Variants in DNAH3 observed in about 807,000 individuals in gnomAD.
DNAH3 encodes axonemal beta dynein heavy chain 3.
DNAH3 carries 332 observed loss-of-function variants against 432.5 expected under a neutral mutation model. That is an observed-to-expected ratio of 0.77 (90% CI 0.70 to 0.84). DNAH3 has a LOEUF of 0.84. Ranked by LOEUF, DNAH3 falls within the 40% of genes least tolerant of loss-of-function variation. DNAH3 has a pLI of 0.00. For synonymous variants in DNAH3, 1,956 were observed against 1,900.2 expected (o/e 1.03, Z -0.76); for missense variants, 4,861 against 5,114.0 (o/e 0.95, Z 1.51).
At chr16:21,108,918 T>C (rs1399581317) in intron 14 of DNAH3, among the ~76,000 whole-genome samples, 1 of 152,006 alleles carries the variant, frequency 6.6e-6, no homozygotes, top group Non-Finnish European at 1.5e-5. Context: ...GATCAGGAGT[T>C]TGAGACTAGG....
intron 57 of DNAH3, 131 bp from the exon 58 acceptor site, chr16:20,944,794 C>T (rs1467354147): frequency 2.4e-6 from 2 of 832,332 alleles, no homozygotes; most frequent in Non-Finnish European, 1.9e-6. Context: ...CACACACACA[C>T]ACACACACGC....
At chr16:20,976,534 G>A (rs1377829995) in intron 50 of DNAH3, among the ~76,000 whole-genome samples, 1 of 152,190 alleles carries the variant, frequency 6.6e-6, no homozygotes, top group African/African-American at 2.4e-5. Flanking sequence ...TAAAGGCTAT[G>A]AAGAAAAAAG....
intron 6 of DNAH3, among the ~76,000 whole-genome samples, chr16:21,134,886 C>T (rs2152823841): frequency 6.6e-6 from 1 of 152,170 alleles, no homozygotes; most frequent in Middle Eastern, 3.4e-3. Context: ...CAGGGTTTTG[C>T]CATGTTGGCC....
At chr16:21,063,338 C>A (rs971711525) in intron 24 of DNAH3, among the ~76,000 whole-genome samples, 2 of 152,024 alleles carry the variant, frequency 1.3e-5, no homozygotes, top group African/African-American at 4.8e-5. Context: ...TGGGTAGGGG[C>A]AGGAGAGAGA....
At chr16:21,067,734 G>A (rs978726003) in intron 23 of DNAH3, among the ~76,000 whole-genome samples, 4 of 130,236 alleles carry the variant, frequency 3.1e-5, no homozygotes, top group Non-Finnish European at 4.8e-5. Flanking sequence ...TCTGTGTGAC[G>A]GAGTGATAGA....
At chr16:21,064,714 G>A (rs867674223) in intron 24 of DNAH3, among the ~76,000 whole-genome samples, 7 of 152,174 alleles carry the variant, frequency 4.6e-5, no homozygotes, top group East Asian at 1.9e-4. Flanking sequence ...TAATACATTC[G>A]TATAATTTAA....
intron 19 of DNAH3, among the ~76,000 whole-genome samples, chr16:21,085,277 C>T (rs1206510750): frequency 6.6e-6 from 1 of 152,044 alleles, no homozygotes; most frequent in Non-Finnish European, 1.5e-5. Flanking sequence ...GGCACGGTGG[C>T]TCATGCCTAT....
exon 17 of DNAH3, chr16:21,098,709 C>A: frequency 1.2e-6 from 2 of 1,613,972 alleles, no homozygotes; most frequent in Non-Finnish European, 8.5e-7. Context: ...TCACTTCGCG[C>A]TTCCTAAAAC....
At chr16:20,948,540 GTCC>G (rs1310729575) in exon 57 of DNAH3, 3 of 1,613,942 alleles carry the variant, frequency 1.9e-6, no homozygotes, top group Non-Finnish European at 2.5e-6. Context: ...GGGAGTAATA[GTCC>G]TCCTCAATTT....
chr16:21,156,841 C>T (rs1302961349), intron 1 of DNAH3, among the ~76,000 whole-genome samples: 1 of 151,970 alleles, frequency 6.6e-6, no homozygotes, highest in Non-Finnish European at 1.5e-5. Context: ...CTCTGCTGGC[C>T]CAGCCAAAAA....
intron 59 of DNAH3, among the ~76,000 whole-genome samples, chr16:20,940,301 A>C (rs1237897188): frequency 6.6e-6 from 1 of 151,044 alleles, no homozygotes; most frequent in Non-Finnish European, 1.5e-5. Flanking sequence ...GGGTTCAAGC[A>C]ATCCTCCCGG....
chr16:20,949,868 AGGCAGTT>A (rs2084234448), intron 56 of DNAH3, among the ~76,000 whole-genome samples: 1 of 152,216 alleles, frequency 6.6e-6, no homozygotes, highest in African/African-American at 2.4e-5. Context: ...TATGACCGGC[AGGCAGTT>A]GGTTTATGGC....
At chr16:20,978,623 T>C (rs1379438229) in intron 50 of DNAH3, among the ~76,000 whole-genome samples, 16 of 152,152 alleles carry the variant, frequency 1.1e-4, no homozygotes, top group Admixed American at 1.0e-3. Context: ...AGCCTCAAAC[T>C]CCTGGGCTCA....
intron 51 of DNAH3, among the ~76,000 whole-genome samples, chr16:20,974,752 G>A (rs2085504996): frequency 1.3e-5 from 2 of 151,338 alleles, no homozygotes; most frequent in Admixed American, 1.3e-4. Context: ...CCTGGTTTCA[G>A]CGATGTTTCA....
intron 9 of DNAH3, among the ~76,000 whole-genome samples, chr16:21,122,991 G>A (rs1597429061): frequency 6.6e-6 from 1 of 151,870 alleles, no homozygotes; most frequent in African/African-American, 2.4e-5. Flanking sequence ...ATTTATATGC[G>A]TATCTCAACT....
At chr16:21,114,702 C>T (rs2092147225) in intron 12 of DNAH3, among the ~76,000 whole-genome samples, 1 of 152,198 alleles carries the variant, frequency 6.6e-6, no homozygotes, top group African/African-American at 2.4e-5. Context: ...TACCATCTCA[C>T]ACCAGTTAGA....
At chr16:21,125,972 C>T (rs2092438761) in intron 8 of DNAH3, among the ~76,000 whole-genome samples, 1 of 152,148 alleles carries the variant, frequency 6.6e-6, no homozygotes, top group African/African-American at 2.4e-5. Flanking sequence ...CATGGCAAAA[C>T]TCCATCTCTA....
chr16:21,136,356 T>C (rs148484016), exon 6 of DNAH3: 67 of 1,613,858 alleles, frequency 4.2e-5, no homozygotes, highest in Middle Eastern at 1.6e-4. Flanking sequence ...GTAATAGTCA[T>C]TCTCCTTCTC....
chr16:21,136,930 C>T (rs2092651099), intron 5 of DNAH3, among the ~76,000 whole-genome samples: 1 of 151,964 alleles, frequency 6.6e-6, no homozygotes, highest in African/African-American at 2.4e-5. Context: ...GTCAGGGGTT[C>T]GAGACCAGCC....
Sources: gnomAD v4.1 joint callset for allele counts (sites outside exome capture counted in the v4.1 genomes callset) on GRCh38, gnomAD v4.1.1 for gene constraint, MANE v1.5 for transcripts, NCBI Gene and HGNC (gene_info 2026-07-23, HGNC 2026-07-21) for gene names.